Variants in OXR1 observed in about 807,000 individuals in gnomAD.
OXR1 encodes oxidation resistance protein 1.
OXR1 carries 41 observed loss-of-function variants against 104.6 expected under a neutral mutation model. That is an observed-to-expected ratio of 0.39 (90% confidence interval 0.31 to 0.51). OXR1 has a LOEUF of 0.51. OXR1 is among the 20% of genes least tolerant of loss of function. The probability of loss-of-function intolerance (pLI) is 0.77; values close to 1 mark genes in which losing one functional copy is unlikely to be tolerated. For synonymous variants in OXR1, 348 were observed against 348.4 expected, an observed-to-expected ratio of 1.00 and a Z score of 0.01; for missense variants, 955 against 1,031.9, an observed-to-expected ratio of 0.93 and a Z score of 1.02.
At chr8:106,555,043 G>A (rs1403631256) in intron 3 of OXR1, among the ~76,000 whole-genome samples, 1 of 152,084 alleles carries the variant, frequency 6.6e-6, no homozygotes, top group African/African-American at 2.4e-5. Flanking sequence ...CAGTTGTAAT[G>A]TACTCATTTA....
chr8:106,285,525 A>G (rs1184356138), intron 1 of OXR1, among the ~76,000 whole-genome samples: 1 of 152,058 alleles, frequency 6.6e-6, no homozygotes, highest in Non-Finnish European at 1.5e-5. Flanking sequence ...GTGTGTCCCC[A>G]TATGTGCAAT....
At chr8:106,403,430 T>C (rs982949780) in intron 2 of OXR1, among the ~76,000 whole-genome samples, 1 of 152,220 alleles carries the variant, frequency 6.6e-6, no homozygotes, top group African/African-American at 2.4e-5. Flanking sequence ...CCCAAATCAA[T>C]GGGTGTAGTT....
chr8:106,712,909 A>T (rs1831843120), intron 10 of OXR1, among the ~76,000 whole-genome samples: 1 of 151,952 alleles, frequency 6.6e-6, no homozygotes, highest in Admixed American at 6.6e-5. Flanking sequence ...GGAATTCCCT[A>T]TTTTAATATT....
At chr8:106,741,294 C>T (rs1834897229) in intron 14 of OXR1, among the ~76,000 whole-genome samples, 1 of 152,020 alleles carries the variant, frequency 6.6e-6, no homozygotes, top group East Asian at 1.9e-4. Context: ...CTTATGATTT[C>T]ATTTATAGAA....
chr8:106,489,322 T>C (rs1279445988), intron 2 of OXR1, among the ~76,000 whole-genome samples: 4 of 152,208 alleles, frequency 2.6e-5, no homozygotes, highest in Non-Finnish European at 5.9e-5. Context: ...TTTCTAATGC[T>C]GCTGTGTGAT....
chr8:106,601,395 T>G (rs533237057), intron 3 of OXR1, among the ~76,000 whole-genome samples: 1 of 152,264 alleles, frequency 6.6e-6, no homozygotes, highest in African/African-American at 2.4e-5. Context: ...AGCCCAAGAC[T>G]GAGGCGCAAG....
chr8:106,344,905 G>T (rs1815414285), intron 1 of OXR1, among the ~76,000 whole-genome samples: 1 of 152,022 alleles, frequency 6.6e-6, no homozygotes, highest in Non-Finnish European at 1.5e-5. Flanking sequence ...TACACCATCT[G>T]CATCTGACAC....
At chr8:106,442,525 G>T (rs575872158) in intron 2 of OXR1, among the ~76,000 whole-genome samples, 30 of 152,206 alleles carry the variant, frequency 2.0e-4, no homozygotes, top group Admixed American at 5.9e-4. Context: ...ATAGAATTCA[G>T]CTGTGAATCC....
At chr8:106,426,161 T>C (rs1300828403) in intron 2 of OXR1, among the ~76,000 whole-genome samples, 1 of 152,172 alleles carries the variant, frequency 6.6e-6, no homozygotes, top group African/African-American at 2.4e-5. Context: ...TATGGGATAA[T>C]AATATTTCCC....
intron 1 of OXR1, among the ~76,000 whole-genome samples, chr8:106,352,009 T>C (rs1467965288): frequency 6.6e-6 from 1 of 152,180 alleles, no homozygotes; most frequent in Non-Finnish European, 1.5e-5. Flanking sequence ...TCCCTGCCTC[T>C]CTACTCTGCA....
chr8:106,586,668 C>T (rs1293523129), intron 3 of OXR1, among the ~76,000 whole-genome samples: 1 of 152,074 alleles, frequency 6.6e-6, no homozygotes, highest in African/African-American at 2.4e-5. Context: ...GTGCTAAGGC[C>T]TAGTATTTCC....
rs976193511 is a variant in OXR1 at position 106,751,081 on chromosome 8, T to C, written c.*140T>C. 1 of 606,872 alleles carries C rather than the reference T, an allele frequency of 1.6e-6. No individual in the cohort carries two copies. Among genetic ancestry groups the C allele is most frequent in the Non-Finnish European group, 2.7e-6 (1 of 370,150 alleles). 37.6% of individuals were successfully genotyped at this position (606,872 alleles called of 1,614,324 possible). ...TCTGTATCACCATTTATTACAGTTA[T>C]AATTTTGGAGTTTATTTTTCAAATC... On this transcript the variant is annotated 3_prime_UTR_variant, in exon 17 of 17. Transcript: ENST00000517566.
chr8:106,575,985 AACAC>A (rs35038334), intron 3 of OXR1, among the ~76,000 whole-genome samples: 2,563 of 144,362 alleles, frequency 0.018, 29 homozygotes, highest in Non-Finnish European at 0.022. Context: ...AAATGTTTAT[AACAC>A]ACACACACAC....
intron 3 of OXR1, among the ~76,000 whole-genome samples, chr8:106,587,955 A>T (rs1586853938): frequency 6.9e-6 from 1 of 145,308 alleles, no homozygotes; most frequent in South Asian, 2.2e-4. Context: ...AATATAAACA[A>T]TTTTTTTTTT....
chr8:106,358,327 G>A (rs2130332105), intron 1 of OXR1, among the ~76,000 whole-genome samples: 1 of 152,258 alleles, frequency 6.6e-6, no homozygotes, highest in East Asian at 1.9e-4. Flanking sequence ...TTATTTAGTG[G>A]CTTTTTCTTA....
chr8:106,525,242 A>G (rs1254044195), intron 3 of OXR1, among the ~76,000 whole-genome samples: 3 of 152,316 alleles, frequency 2.0e-5, no homozygotes, highest in South Asian at 2.1e-4. Flanking sequence ...TAAGCAATTT[A>G]TTCACATTAT....
intron 3 of OXR1, among the ~76,000 whole-genome samples, chr8:106,598,748 C>T (rs1354891539): frequency 6.6e-6 from 1 of 152,164 alleles, no homozygotes; most frequent in Non-Finnish European, 1.5e-5. Context: ...TTTACATAGT[C>T]CAGTTGGAAT....
rs528659595 is a variant in OXR1, at chr8:106,483,866, G to T, written c.24-35077G>T. Reference sequence around the variant, plus strand: ...TGCTGAAAACCTTCTCATTCAAAATGAAGCTATTATATCCTAGACTCAAAT... The same window carrying T: ...TGCTGAAAACCTTCTCATTCAAAATTAAGCTATTATATCCTAGACTCAAAT... On this transcript the variant is annotated intron_variant, in intron 2 of 16. Coordinates refer to ENST00000517566, the MANE Select transcript of OXR1 (RefSeq NM_001198533.2). 2.0e-5 allele frequency among the ~76,000 whole-genome samples: 3 copies of T among 152,126 alleles called. No individual in the cohort carries two copies. In the East Asian group the frequency reaches 5.8e-4, roughly 30 times the overall value.
At chr8:106,346,100 C>G (rs370227672) in intron 1 of OXR1, among the ~76,000 whole-genome samples, 3 of 119,944 alleles carry the variant, frequency 2.5e-5, no homozygotes, top group African/African-American at 8.6e-5. Flanking sequence ...TTTATTCCAC[C>G]CCCCCTACCG....
Sources: gnomAD v4.1 joint callset for allele counts (sites outside exome capture counted in the v4.1 genomes callset) on GRCh38, gnomAD v4.1.1 for gene constraint, MANE v1.5 for transcripts, NCBI Gene and HGNC (gene_info 2026-07-23, HGNC 2026-07-21) for gene names.